Variants in ASCC3 observed in about 807,000 individuals in gnomAD.
The protein encoded by ASCC3 is activating signal cointegrator 1 complex subunit 3.
Under a neutral mutation model 256.3 loss-of-function variants are expected in ASCC3, and 158 were observed. That is an observed-to-expected ratio of 0.62 (90% CI 0.54 to 0.70). The LOEUF is 0.70. Among genes scored for constraint, ASCC3 ranks in the 30% least tolerant of loss-of-function variants. The pLI is 0.00. For synonymous variants in ASCC3, 948 were observed against 883.4 expected (o/e 1.07, Z -1.30); for missense variants, 2,259 against 2,626.0 (o/e 0.86, Z 3.05).
chr6:100,862,093 A>G (rs1773252315), intron 3 of ASCC3, among the ~76,000 whole-genome samples: 6 of 152,150 alleles, frequency 3.9e-5, no homozygotes, highest in Admixed American at 3.9e-4. Flanking sequence ...ACATCTTACA[A>G]ATGAAGATGT....
In ASCC3 at chr6:100,517,839, T is replaced by C; in HGVS notation, c.5927+152A>G. On this transcript the variant is annotated intron_variant, in intron 38 of 41. Coordinates refer to ENST00000369162, the MANE Select transcript of ASCC3 (RefSeq NM_006828.4). ...TCAAATTCCAAACAAGAATGTTACG[T>C]CACTTGGCCATGTCTCACTCTGGGA... 3.7e-6 allele frequency: 3 copies of C among 813,778 alleles called. No homozygotes were observed. In the South Asian group the frequency reaches 5.4e-5, roughly 15 times the overall value. 50.4% of individuals were successfully genotyped at this position (813,778 alleles called of 1,614,324 possible).
intron 18 of ASCC3, 98 bp from the exon 19 acceptor site, chr6:100,651,744 A>G: frequency 2.0e-6 from 1 of 511,522 alleles, no homozygotes; most frequent in Non-Finnish European, 3.1e-6. Flanking sequence ...AAGAAATTTG[A>G]GCCCTAGACA....
chr6:100,761,514 GA>G (rs1781423926), intron 10 of ASCC3, among the ~76,000 whole-genome samples: 1 of 152,038 alleles, frequency 6.6e-6, no homozygotes, highest in South Asian at 2.1e-4. Context: ...AAAAAACGAA[GA>G]ATAGAACTGA....
chr6:100,870,953 C>T (rs1319034721), intron 1 of ASCC3, among the ~76,000 whole-genome samples: 1 of 152,200 alleles, frequency 6.6e-6, no homozygotes, highest in Non-Finnish European at 1.5e-5. Context: ...ACCTTACTCT[C>T]TTCACCCCAA....
intron 36 of ASCC3, among the ~76,000 whole-genome samples, chr6:100,572,138 A>C (rs1770623288): frequency 6.6e-6 from 1 of 152,076 alleles, no homozygotes; most frequent in Admixed American, 6.6e-5. Context: ...GTTAAACCTG[A>C]ACTCCCAGTG....
intron 4 of ASCC3, among the ~76,000 whole-genome samples, chr6:100,833,521 C>T (rs1375701118): frequency 2.0e-5 from 3 of 151,960 alleles, no homozygotes; most frequent in African/African-American, 4.8e-5. Context: ...ATGTACTACC[C>T]TAATACAAGA....
chr6:100,600,017 T>G (rs1772518437), intron 34 of ASCC3, among the ~76,000 whole-genome samples: 1 of 152,084 alleles, frequency 6.6e-6, no homozygotes, highest in African/African-American at 2.4e-5. Context: ...GAAGAACGTC[T>G]AGCTCAGAGA....
intron 8 of ASCC3, among the ~76,000 whole-genome samples, chr6:100,793,430 T>C (rs1769447585): frequency 6.6e-6 from 1 of 152,020 alleles, no homozygotes; most frequent in Admixed American, 6.6e-5. Context: ...AGGCTGTTTA[T>C]TATACTGTCA....
At chr6:100,547,767 G>A (rs1159209768) in intron 36 of ASCC3, among the ~76,000 whole-genome samples, 2 of 151,838 alleles carry the variant, frequency 1.3e-5, no homozygotes, top group Non-Finnish European at 2.9e-5. Flanking sequence ...CCCACCATGT[G>A]ATCTAGCTAT....
intron 5 of ASCC3, among the ~76,000 whole-genome samples, chr6:100,803,093 A>G (rs1013483549): frequency 3.3e-5 from 5 of 152,156 alleles, no homozygotes; most frequent in African/African-American, 1.2e-4. Flanking sequence ...CAGAATTTAC[A>G]ACATTGCAGG....
intron 21 of ASCC3, 48 bp from the exon 22 acceptor site, chr6:100,646,817 G>T: frequency 6.3e-7 from 1 of 1,576,094 alleles, no homozygotes. Context: ...GCAGAAAAAA[G>T]CAATATAATC....
intron 1 of ASCC3, among the ~76,000 whole-genome samples, chr6:100,873,335 G>T (rs1321321876): frequency 1.3e-5 from 2 of 151,902 alleles, no homozygotes; most frequent in Non-Finnish European, 2.9e-5. Flanking sequence ...AAATAAAAAA[G>T]AATAAGAAAA....
At chr6:100,721,872 G>C (rs889633189) in intron 11 of ASCC3, among the ~76,000 whole-genome samples, 2 of 151,284 alleles carry the variant, frequency 1.3e-5, no homozygotes, top group Non-Finnish European at 3.0e-5. Context: ...TTTTGTTACA[G>C]TTGCTTTCGG....
chr6:100,841,869 T>G (rs846772), intron 4 of ASCC3, among the ~76,000 whole-genome samples: 107,315 of 151,966 alleles, frequency 0.71, 38,120 homozygotes, highest in East Asian at 0.75. Context: ...AAAGAGATGG[T>G]ATACCATTTG....
intron 33 of ASCC3, among the ~76,000 whole-genome samples, chr6:100,603,056 T>C (rs1772705892): frequency 6.6e-6 from 1 of 152,038 alleles, no homozygotes; most frequent in South Asian, 2.1e-4. Flanking sequence ...CACTTTTTCA[T>C]TATGATCTGC....
Position 100,725,649 on chromosome 6 carries a change from C to T in ASCC3, c.1792G>A (p.Asp598Asn), listed in dbSNP as rs1382634066. ...CTTACAATCTGGGAAAGAGCTACAT[C>T]CCCAACACTCTTTCTTGTCACTACA... ...WDVVTRKSVG[D>N]VALSQIVRLL... The change falls in exon 11 of 42, where the codon GAT becomes AAT. Residue 598 changes from aspartate to asparagine, a missense_variant. Asp to Asn is a conservative substitution (Grantham distance 23, BLOSUM62 1). Transcript: ENST00000369162. The T allele has an allele frequency of 1.9e-6, 3 of 1,612,598 alleles. No homozygotes were observed. The highest frequency in any genetic ancestry group is 2.5e-6 in the Non-Finnish European group (3 of 1,179,114).
Position 100,509,339 on chromosome 6 carries a change from A to G in ASCC3, c.*47T>C. The G allele has an allele frequency of 6.2e-7, 1 of 1,610,126 alleles. No homozygotes were observed. ...ATTCGATTTGTCTAGATGACTGAAC[A>G]GAGAGAATTCTTAGCCACTCCTTTC... On this transcript the variant is annotated 3_prime_UTR_variant, in exon 42 of 42. Coordinates refer to ENST00000369162, the MANE Select transcript of ASCC3 (RefSeq NM_006828.4).
chr6:100,682,384 C>T (rs1777350383), intron 13 of ASCC3, among the ~76,000 whole-genome samples: 1 of 152,018 alleles, frequency 6.6e-6, no homozygotes, highest in Non-Finnish European at 1.5e-5. Context: ...TAAATATTTA[C>T]TAGGCATGTA....
intron 20 of ASCC3, 147 bp from the exon 21 acceptor site, chr6:100,647,598 C>T (rs1775446253): frequency 2.8e-6 from 2 of 707,820 alleles, no homozygotes; most frequent in African/African-American, 3.6e-5. Context: ...TCATATAATC[C>T]TAATTATCTT....
Sources: gnomAD v4.1 joint callset for allele counts (sites outside exome capture counted in the v4.1 genomes callset) on GRCh38, gnomAD v4.1.1 for gene constraint, MANE v1.5 for transcripts, NCBI Gene and HGNC (gene_info 2026-07-23, HGNC 2026-07-21) for gene names.